The following EDIL3 variants were observed in gnomAD, a reference collection of about 807,000 sequenced individuals.
The protein encoded by EDIL3 is EGF like and discoidin domains 3.
A neutral mutation model predicts 67.4 loss-of-function variants in EDIL3; 37 were observed. The observed-to-expected ratio is 0.55, with a 90% CI of 0.42 to 0.72. The LOEUF is 0.72. Among genes scored for constraint, EDIL3 ranks in the 30% least tolerant of loss-of-function variants. EDIL3 has a pLI of 0.00. For missense variants in EDIL3, 527 were observed against 586.3 expected, an observed-to-expected ratio of 0.90 and a Z score of 1.04; for synonymous variants, 195 against 196.3, an observed-to-expected ratio of 0.99 and a Z score of 0.05.
chr5:84,329,019 A>T (rs2112163612), intron 1 of EDIL3, among the ~76,000 whole-genome samples: 1 of 152,164 alleles, frequency 6.6e-6, no homozygotes, highest in East Asian at 1.9e-4. Flanking sequence ...CTTAAACTTC[A>T]TTATCTGCAT....
chr5:84,366,859 T>C (rs1374176189), intron 1 of EDIL3, among the ~76,000 whole-genome samples: 1 of 152,238 alleles, frequency 6.6e-6, no homozygotes, highest in Non-Finnish European at 1.5e-5. Context: ...CGTCTGGCAT[T>C]TTTTCCAATA....
At chr5:84,209,294 G>C (rs972208751) in intron 3 of EDIL3, among the ~76,000 whole-genome samples, 1 of 151,950 alleles carries the variant, frequency 6.6e-6, no homozygotes, top group Non-Finnish European at 1.5e-5. Context: ...GTTAATGGGT[G>C]CAGCACACCA....
chr5:84,235,690 TTAAA>T lies in EDIL3; in HGVS notation c.197-5810_197-5807del, dbSNP rs1457476369. ...CAAATGTTTAATACAGTCATTTGTA[TTAAA>T]TAAAGCTCAGCTGCTTCATTTTGTA... On this transcript the variant is annotated intron_variant, in intron 2 of 10. Transcript: ENST00000296591. Among the ~76,000 whole-genome samples the T allele has an allele frequency of 1.8e-4, 28 of 152,202 alleles. No individual in the cohort carries two copies. The East Asian group carries it at 2.7e-3, about 15-fold the overall frequency.
chr5:83,943,824 CAATT>C (rs1744267029), intron 10 of EDIL3, among the ~76,000 whole-genome samples: 1 of 151,894 alleles, frequency 6.6e-6, no homozygotes, highest in African/African-American at 2.4e-5. Context: ...TTGTTTCTCT[CAATT>C]AAAAAAAATA....
At chr5:84,159,452 T>C (rs1748565004) in intron 4 of EDIL3, among the ~76,000 whole-genome samples, 1 of 152,028 alleles carries the variant, frequency 6.6e-6, no homozygotes, top group African/African-American at 2.4e-5. Flanking sequence ...GTTACTCTTA[T>C]AAGTTCAAGC....
At chr5:83,965,899 T>C (rs1400197699) in intron 9 of EDIL3, among the ~76,000 whole-genome samples, 1 of 152,060 alleles carries the variant, frequency 6.6e-6, no homozygotes, top group Non-Finnish European at 1.5e-5. Context: ...GTACGAGGCC[T>C]AAGCAAACCT....
At chr5:83,996,133 T>C (rs1745235027) in intron 9 of EDIL3, among the ~76,000 whole-genome samples, 1 of 152,196 alleles carries the variant, frequency 6.6e-6, no homozygotes, top group South Asian at 2.1e-4. Context: ...CCTATAAGCA[T>C]GGCAGTCAAT....
intron 4 of EDIL3, among the ~76,000 whole-genome samples, chr5:84,158,248 G>C (rs541509939): frequency 1.3e-5 from 2 of 152,092 alleles, no homozygotes; most frequent in East Asian, 3.9e-4. Context: ...TCACAAAAAT[G>C]GGTAACCTTA....
chr5:84,242,468 G>C (rs561116454), intron 2 of EDIL3, among the ~76,000 whole-genome samples: 1 of 152,246 alleles, frequency 6.6e-6, no homozygotes, highest in African/African-American at 2.4e-5. Flanking sequence ...AATTCCAGTA[G>C]AGCATGCTCA....
chr5:84,028,792 C>A (rs1009289259), intron 9 of EDIL3, among the ~76,000 whole-genome samples: 1 of 151,804 alleles, frequency 6.6e-6, no homozygotes, highest in Non-Finnish European at 1.5e-5. Flanking sequence ...TATAATATTG[C>A]TTTGTACAAT....
chr5:84,149,851 GA>G (rs1348991644), intron 4 of EDIL3, among the ~76,000 whole-genome samples: 1 of 151,624 alleles, frequency 6.6e-6, no homozygotes, highest in Non-Finnish European at 1.5e-5. Context: ...TAGCAAATTA[GA>G]CATGCAAAAA....
intron 1 of EDIL3, among the ~76,000 whole-genome samples, chr5:84,269,942 C>A (rs537352690): frequency 1.3e-5 from 2 of 152,258 alleles, no homozygotes; most frequent in South Asian, 4.1e-4. Context: ...TAAACAAATG[C>A]TGTTGGATCT....
At chr5:84,079,179 T>C (rs1021133596) in intron 6 of EDIL3, among the ~76,000 whole-genome samples, 1 of 152,118 alleles carries the variant, frequency 6.6e-6, no homozygotes, top group African/African-American at 2.4e-5. Context: ...TCTTCTCTTC[T>C]CCCATATCTC....
intron 2 of EDIL3, among the ~76,000 whole-genome samples, chr5:84,236,733 T>C (rs903635086): frequency 3.3e-5 from 5 of 152,058 alleles, no homozygotes; most frequent in Non-Finnish European, 7.4e-5. Context: ...AGTTGTCCAA[T>C]TTTAAATTGA....
chr5:84,253,180 T>C (rs1026332619), intron 2 of EDIL3, among the ~76,000 whole-genome samples: 5 of 152,186 alleles, frequency 3.3e-5, no homozygotes, highest in African/African-American at 1.2e-4. Context: ...CTGGACGCTA[T>C]TACTTTTCTT....
At chr5:84,221,331 A>G (rs1369192771) in intron 3 of EDIL3, among the ~76,000 whole-genome samples, 1 of 152,170 alleles carries the variant, frequency 6.6e-6, no homozygotes, top group Admixed American at 6.5e-5. Context: ...CAAGATGTAA[A>G]GATATTATTT....
intron 2 of EDIL3, among the ~76,000 whole-genome samples, chr5:84,253,560 T>C (rs959532044): frequency 5.9e-5 from 9 of 152,194 alleles, no homozygotes; most frequent in Admixed American, 5.2e-4. Flanking sequence ...ACATTAATTT[T>C]TGCAGAGCAA....
intron 6 of EDIL3, among the ~76,000 whole-genome samples, chr5:84,088,168 G>C (rs565994635): frequency 6.6e-6 from 1 of 152,236 alleles, no homozygotes; most frequent in South Asian, 2.1e-4. Flanking sequence ...CTTATATATT[G>C]TCCAAATAGC....
At chr5:84,260,773 C>A (rs1468696478) in intron 1 of EDIL3, among the ~76,000 whole-genome samples, 1 of 152,132 alleles carries the variant, frequency 6.6e-6, no homozygotes, top group Non-Finnish European at 1.5e-5. Context: ...TCTGCACCAT[C>A]ATCCCTGCCC....
Sources: allele counts gnomAD v4.1 joint callset (sites outside exome capture counted in the v4.1 genomes callset), GRCh38; gene constraint gnomAD v4.1.1; transcripts MANE v1.5; gene names NCBI Gene and HGNC (gene_info 2026-07-23, HGNC 2026-07-21).